Variants in SLC9A7 observed in about 807,000 individuals in gnomAD.
The protein encoded by SLC9A7 is solute carrier family 9 member A7, also known as sodium/hydrogen exchanger 7.
In SLC9A7, 19 loss-of-function variants were observed where a neutral mutation model predicts 52.6. The ratio of observed to expected loss-of-function variants is 0.36; its 90% CI spans 0.25 to 0.53. The LOEUF is 0.53. Among genes scored for constraint, SLC9A7 ranks in the 20% least tolerant of loss-of-function variants. The probability of loss-of-function intolerance (pLI) is 0.91; values close to 1 mark genes in which losing one functional copy is unlikely to be tolerated. For missense variants in SLC9A7, 455 were observed against 597.9 expected (o/e 0.76, Z 2.49); for synonymous variants, 226 against 252.1 (o/e 0.90, Z 0.98).
intron 1 of SLC9A7, among the ~76,000 whole-genome samples, chrX:46,747,328 A>G (rs1921856011): frequency 1.8e-5 from 2 of 111,957 alleles, no homozygotes; most frequent in African/African-American, 6.5e-5. Flanking sequence ...CAAATATTTA[A>G]GGTGATGGGC....
intron 1 of SLC9A7, among the ~76,000 whole-genome samples, chrX:46,705,903 C>T (rs1440972183): frequency 9.0e-6 from 1 of 110,681 alleles, no homozygotes; most frequent in Admixed American, 9.6e-5. Flanking sequence ...TGTTGAAGTG[C>T]TGGTTATAGT....
At chrX:46,652,171 G>A (rs1410506388) in intron 8 of SLC9A7, among the ~76,000 whole-genome samples, 1 of 111,666 alleles carries the variant, frequency 9.0e-6, no homozygotes, top group Non-Finnish European at 1.9e-5. Flanking sequence ...TTGAGACAAA[G>A]TGGATTATAT....
chrX:46,656,130 C>T lies in SLC9A7; in HGVS notation c.1042-2416G>A, dbSNP rs1369940771. On this transcript the variant is annotated intron_variant, in intron 7 of 16. Transcript: ENST00000616978. ...GGGGCAGACTGACACCTCACACGGC[C>T]GGTTACTCCAACAGACCTGCAGCTG... Among the ~76,000 whole-genome samples the T allele has an allele frequency of 1.2e-4, 13 of 111,011 alleles. No homozygotes were observed. In the South Asian group the frequency reaches 5.1e-3, roughly 43 times the overall value.
intron 1 of SLC9A7, among the ~76,000 whole-genome samples, chrX:46,746,593 T>A (rs1480641814): frequency 1.8e-5 from 2 of 112,301 alleles, no homozygotes; most frequent in Non-Finnish European, 3.8e-5. Flanking sequence ...CAATTTTATA[T>A]CATCTCACCC....
intron 1 of SLC9A7, among the ~76,000 whole-genome samples, chrX:46,722,860 C>T (rs987182881): frequency 5.4e-5 from 6 of 112,021 alleles, no homozygotes; most frequent in Admixed American, 9.5e-5. Context: ...GGCCACCACA[C>T]GGAACCAATT....
intron 1 of SLC9A7, among the ~76,000 whole-genome samples, chrX:46,683,625 A>G (rs375832346): frequency 1.8e-5 from 2 of 111,790 alleles, no homozygotes; most frequent in African/African-American, 6.5e-5. Flanking sequence ...AATTCTGTGA[A>G]TAAGGAAGGA....
chrX:46,747,256 C>T (rs1228432361), intron 1 of SLC9A7, among the ~76,000 whole-genome samples: 2 of 111,746 alleles, frequency 1.8e-5, no homozygotes, highest in Non-Finnish European at 3.8e-5. Flanking sequence ...TTACAATAAT[C>T]TCTGTGCATT....
At chrX:46,734,784 T>C (rs1172094565) in intron 1 of SLC9A7, among the ~76,000 whole-genome samples, 1 of 111,436 alleles carries the variant, frequency 9.0e-6, no homozygotes, top group African/African-American at 3.3e-5. Flanking sequence ...AATTTAAGCA[T>C]ACGATTCAAT....
At chrX:46,658,467 A>C (rs1464881372) in intron 7 of SLC9A7, among the ~76,000 whole-genome samples, 4 of 111,218 alleles carry the variant, frequency 3.6e-5, no homozygotes, top group African/African-American at 1.3e-4. Flanking sequence ...AAAATTGATA[A>C]ACCACTAGCA....
At chrX:46,616,205 A>ACTTGGGAG (rs1336992960) in intron 15 of SLC9A7, among the ~76,000 whole-genome samples, 1 of 106,025 alleles carries the variant, frequency 9.4e-6, no homozygotes, top group African/African-American at 3.4e-5. Context: ...GACACATGCT[A>ACTTGGGAG]GCTACTTGGG....
intron 1 of SLC9A7, among the ~76,000 whole-genome samples, chrX:46,732,484 C>T (rs1377029552): frequency 9.2e-6 from 1 of 108,516 alleles, no homozygotes; most frequent in African/African-American, 3.4e-5. Context: ...ACCCGGGAGG[C>T]GGAGGTTGCA....
Position 46,600,786 on chromosome X carries a change from ATGT to A in SLC9A7, c.*6163_*6165del, listed in dbSNP as rs1942649984. 1 of 111,604 alleles carries A rather than the reference ATGT, an allele frequency of 9.0e-6. No individual in the cohort carries two copies. The highest frequency in any genetic ancestry group is 3.3e-5 in the African/African-American group (1 of 30,691). 9.2% of individuals were successfully genotyped at this position (111,604 alleles called of 1,213,427 possible). On this transcript the variant is annotated 3_prime_UTR_variant, in exon 17 of 17. Coordinates refer to ENST00000616978, the MANE Select transcript of SLC9A7 (RefSeq NM_001257291.2). Reference sequence around the variant, plus strand: ...AATGGTTTCTACAGTATTTCTCTATATGTTGTTTTCAGGTTTTAGAAAGGGGGA... The same window carrying A: ...AATGGTTTCTACAGTATTTCTCTATATGTTTTCAGGTTTTAGAAAGGGGGA...
At chrX:46,742,010 A>G (rs1405510810) in intron 1 of SLC9A7, among the ~76,000 whole-genome samples, 1 of 111,953 alleles carries the variant, frequency 8.9e-6, no homozygotes, top group Non-Finnish European at 1.9e-5. Context: ...GGATATATAA[A>G]TGACAAATAA....
intron 1 of SLC9A7, among the ~76,000 whole-genome samples, chrX:46,715,522 G>A (rs1213464105): frequency 9.0e-6 from 1 of 111,257 alleles, no homozygotes; most frequent in Non-Finnish European, 1.9e-5. Context: ...AGTGGTATAA[G>A]GTTAAATTCT....
chrX:46,662,538 G>C lies in SLC9A7; in HGVS notation c.899C>G (p.Ser300Trp). ...LNDAVAIVLS[S>W]SIVAYQPAGL... is the part of the protein sequence containing the mutation. ...CTCCAGCAGAAACACTGCTACTTAC[G>C]AGGACAGTACAATGGCAACAGCATC... is the stretch of plus-strand genomic sequence containing the variant. The change falls in exon 6 of 17, where the codon TCG (serine) becomes TGG (tryptophan). Residue 300 changes from serine (S) to tryptophan (W), a missense_variant and splice_region_variant. Around this residue, in one of 3 missense-constraint regions of SLC9A7, gnomAD observed 304 missense variants for 417.8 expected, o/e 0.73. Transcript: ENST00000616978. 8.4e-7 allele frequency: 1 copy of C among 1,194,821 alleles called. No homozygotes were observed. Among genetic ancestry groups the C allele is most frequent in the Non-Finnish European group, 1.1e-6 (1 of 880,793 alleles).
chrX:46,757,336 G>A (rs7061720), intron 1 of SLC9A7, among the ~76,000 whole-genome samples: 25,206 of 111,174 alleles, frequency 0.23, 2,309 homozygotes, highest in South Asian at 0.39. Flanking sequence ...ACCAAACTCG[G>A]TTTTAGACCT....
rs758900205 is a variant in SLC9A7, at chrX:46,726,985, C to T, written c.325+31720G>A. ...AGCTCCATGTGACAACCAAGGCAGG[C>T]GCAACATCCCCCAATTATCTTAACT... On this transcript the variant is annotated intron_variant, in intron 1 of 16. Coordinates refer to ENST00000616978, the MANE Select transcript of SLC9A7 (RefSeq NM_001257291.2). 1.0e-3 allele frequency among the ~76,000 whole-genome samples: 114 copies of T among 111,811 alleles called. 1 individual carries two copies. The highest frequency in any genetic ancestry group is 3.6e-3 in the African/African-American group (110 of 30,781).
At chrX:46,755,808 T>G (rs1602314926) in intron 1 of SLC9A7, among the ~76,000 whole-genome samples, 1 of 84,936 alleles carries the variant, frequency 1.2e-5, no homozygotes. Context: ...GGCGACAGAG[T>G]GAGACTCCGT....
chrX:46,608,913 T>A (rs1942797170), intron 16 of SLC9A7, among the ~76,000 whole-genome samples: 1 of 111,579 alleles, frequency 9.0e-6, no homozygotes, highest in African/African-American at 3.3e-5. Context: ...CCCAAAGTGC[T>A]GGCATTACAG....
Sources: allele counts gnomAD v4.1 joint callset (sites outside exome capture counted in the v4.1 genomes callset), GRCh38; gene constraint gnomAD v4.1.1; regional missense constraint gnomAD v4.1.1; transcripts MANE v1.5; gene names NCBI Gene and HGNC (gene_info 2026-07-23, HGNC 2026-07-21).